Variants in SLC9B2 observed in about 807,000 individuals in gnomAD.
The protein encoded by SLC9B2 is solute carrier family 9 member B2, also known as sodium/hydrogen exchanger 9B2.
SLC9B2 carries 39 observed loss-of-function variants against 52.2 expected under a neutral mutation model. The ratio of observed to expected loss-of-function variants is 0.75; its 90% CI spans 0.58 to 0.98. The LOEUF (loss-of-function observed/expected upper bound fraction) is 0.98, where lower values mean the gene tolerates loss of function less well. Among genes scored for constraint, SLC9B2 ranks in the 50% least tolerant of loss-of-function variants. The pLI, the probability that SLC9B2 is intolerant of heterozygous loss-of-function variation, is 0.00. For synonymous variants in SLC9B2, 214 were observed against 227.0 expected (o/e 0.94, Z 0.51); for missense variants, 626 against 637.5 (o/e 0.98, Z 0.19).
intron 4 of SLC9B2, among the ~76,000 whole-genome samples, chr4:103,052,712 G>GA (rs1744793311): frequency 6.6e-6 from 1 of 151,530 alleles, no homozygotes. Flanking sequence ...GATATGAGGG[G>GA]ACATTTTTTT....
chr4:103,051,502 CG>C (rs113797582), intron 4 of SLC9B2, among the ~76,000 whole-genome samples: 1,954 of 152,260 alleles, frequency 0.013, 40 homozygotes, highest in African/African-American at 0.041. Context: ...GGGAAAGTCT[CG>C]TAAGTTCTGA....
chr4:103,060,021 ATTCT>A (rs1267827315), intron 3 of SLC9B2, among the ~76,000 whole-genome samples: 1 of 151,870 alleles, frequency 6.6e-6, no homozygotes, highest in Non-Finnish European at 1.5e-5. Flanking sequence ...TTTTAAAGGA[ATTCT>A]TTTTCCTTGT....
intron 4 of SLC9B2, among the ~76,000 whole-genome samples, chr4:103,056,965 C>T (rs769818135): frequency 6.6e-6 from 1 of 152,124 alleles, no homozygotes; most frequent in Non-Finnish European, 1.5e-5. Context: ...CAGAACTTCA[C>T]TCTGTCAATG....
chr4:103,028,621 A>C (rs773239881), intron 11 of SLC9B2, 126 bp downstream of exon 11: 29 of 1,195,166 alleles, frequency 2.4e-5, no homozygotes, highest in Non-Finnish European at 3.3e-5. Context: ...GATTAGGATA[A>C]ACTCTTTTCA....
rs1744555989 is a variant in SLC9B2, at chr4:103,050,283, A to G, written c.542T>C (p.Leu181Pro). The change falls in exon 5 of 12, where the codon CTG becomes CCG. Residue 181 changes from leucine (L) to proline (P), a missense_variant. By Grantham distance (98) the Leu-to-Pro change is moderately conservative (BLOSUM62 -3). Transcript: ENST00000394785. The stretch of plus-strand genomic sequence containing the variant: ...GCCAGCACGAACCAGAATGATAGAC[A>G]GGGCTATGCTTCTCAAAGAGGAAGA... ...KWSSSLRSIA[L>P]SIILVRAGLG... 2 of 1,606,770 alleles carry G rather than the reference A, an allele frequency of 1.2e-6. No homozygotes were observed. The highest frequency in any genetic ancestry group is 2.7e-5 in the African/African-American group (2 of 74,446).
chr4:103,044,093 A>G (rs188618892), intron 8 of SLC9B2, among the ~76,000 whole-genome samples: 138 of 152,296 alleles, frequency 9.1e-4, no homozygotes, highest in Non-Finnish European at 1.6e-3. Context: ...GTAGGTCTTT[A>G]AAAGTGCTTG....
chr4:103,019,521 G>A (rs1741633712), downstream of SLC9B2: 5 of 955,218 alleles, frequency 5.2e-6, no homozygotes, highest in Non-Finnish European at 6.2e-6. Context: ...GCGGCCTACC[G>A]CAAGGAAACG....
intron 3 of SLC9B2, among the ~76,000 whole-genome samples, chr4:103,060,544 T>TG (rs200390284): frequency 1.5e-5 from 2 of 137,178 alleles, no homozygotes; most frequent in South Asian, 2.1e-4. Context: ...TTTGTTTGTT[T>TG]TTTTTTTTTT....
At chr4:103,075,881 G>A (rs1310347504) in intron 1 of SLC9B2, among the ~76,000 whole-genome samples, 4 of 152,170 alleles carry the variant, frequency 2.6e-5, no homozygotes, top group South Asian at 2.1e-4. Context: ...TCTTACAGCA[G>A]CTACTGCTGT....
chr4:103,055,952 C>T (rs1224576764), intron 4 of SLC9B2, among the ~76,000 whole-genome samples: 7 of 151,608 alleles, frequency 4.6e-5, no homozygotes, highest in Admixed American at 2.6e-4. Flanking sequence ...TACAGGTGCC[C>T]GCCACCACGC....
chr4:103,063,474 A>G (rs1406499849), intron 3 of SLC9B2, among the ~76,000 whole-genome samples: 4 of 152,214 alleles, frequency 2.6e-5, no homozygotes, highest in Non-Finnish European at 5.9e-5. Flanking sequence ...TTCAGTAAAC[A>G]TATGTGGGCA....
intron 1 of SLC9B2, among the ~76,000 whole-genome samples, chr4:103,072,348 C>A (rs559876825): frequency 8.5e-5 from 13 of 152,180 alleles, no homozygotes; most frequent in Non-Finnish European, 1.8e-4. Flanking sequence ...TGAGCCACCG[C>A]ACCCAGCCCT....
chr4:103,041,701 TG>T (rs1743658830), intron 9 of SLC9B2, among the ~76,000 whole-genome samples: 1 of 152,186 alleles, frequency 6.6e-6, no homozygotes, highest in African/African-American at 2.4e-5. Flanking sequence ...TAAATACACA[TG>T]GTAAGTGTTA....
chr4:103,062,188 C>T (rs917916925), intron 3 of SLC9B2, among the ~76,000 whole-genome samples: 4 of 152,076 alleles, frequency 2.6e-5, no homozygotes, highest in East Asian at 3.9e-4. Flanking sequence ...TGGGAGACGC[C>T]GAGGCAGGCG....
At chr4:103,062,077 C>G (rs1298175190) in intron 3 of SLC9B2, among the ~76,000 whole-genome samples, 1 of 152,206 alleles carries the variant, frequency 6.6e-6, no homozygotes, top group Non-Finnish European at 1.5e-5. Flanking sequence ...TATACTTTAT[C>G]ATAGCATAAA....
intron 4 of SLC9B2, among the ~76,000 whole-genome samples, chr4:103,057,494 C>G (rs937661171): frequency 7.9e-5 from 12 of 151,908 alleles, no homozygotes; most frequent in Admixed American, 3.3e-4. Flanking sequence ...TTTGTAGAGA[C>G]AGGGTTTCAC....
chr4:103,069,321 G>A (rs1746415511), intron 1 of SLC9B2, among the ~76,000 whole-genome samples: 2 of 152,112 alleles, frequency 1.3e-5, no homozygotes, highest in South Asian at 2.1e-4. Flanking sequence ...CTCAAACCAC[G>A]GCACTTGGCC....
chr4:103,066,578 A>G, intron 2 of SLC9B2, 71 bp from the exon 3 acceptor site: 5 of 1,388,832 alleles, frequency 3.6e-6, no homozygotes, highest in Non-Finnish European at 4.9e-6. Flanking sequence ...GTACTGCATC[A>G]TCACCTTACA....
downstream of SLC9B2, chr4:103,020,430 ACTT>A (rs200262103): frequency 0.018 from 7,467 of 408,548 alleles, 88 homozygotes; most frequent in Non-Finnish European, 0.027. Flanking sequence ...GAAAGTGTAA[ACTT>A]CTTAGAAAGA....
Sources: gnomAD v4.1 joint callset for allele counts (sites outside exome capture counted in the v4.1 genomes callset) on GRCh38, gnomAD v4.1.1 for gene constraint, MANE v1.5 for transcripts, NCBI Gene and HGNC (gene_info 2026-07-23, HGNC 2026-07-21) for gene names.